MAD1L1: variants seen among roughly 807,000 people sequenced by gnomAD.
MAD1L1 encodes mitotic arrest deficient 1 like 1, also known as mitotic spindle assembly checkpoint protein MAD1.
In MAD1L1, 95 loss-of-function variants were observed where a neutral mutation model predicts 96.9. That is an observed-to-expected ratio of 0.98 (90% CI 0.83 to 1.16). The LOEUF (loss-of-function observed/expected upper bound fraction) is 1.16, where lower values mean the gene tolerates loss of function less well. MAD1L1 is among the 50% of genes most tolerant of loss of function. MAD1L1 has a pLI of 0.00. For synonymous variants in MAD1L1, 473 were observed against 396.6 expected (o/e 1.19, Z -2.29); for missense variants, 1,007 against 954.4 (o/e 1.06, Z -0.73).
At chr7:2,042,217 A>T (rs905579855) in intron 12 of MAD1L1, among the ~76,000 whole-genome samples, 62 of 130,568 alleles carry the variant, frequency 4.7e-4, no homozygotes, top group Non-Finnish European at 4.9e-4. Context: ...ACGCACACAG[A>T]CGTGCACACA....
intron 6 of MAD1L1, among the ~76,000 whole-genome samples, chr7:2,219,100 A>T (rs1793446898): frequency 2.0e-5 from 3 of 152,016 alleles, no homozygotes. Context: ...AGCCCTCTCT[A>T]AGAAGGAGGG....
At chr7:2,208,433 T>G (rs1465180780) in intron 10 of MAD1L1, among the ~76,000 whole-genome samples, 2 of 151,908 alleles carry the variant, frequency 1.3e-5, no homozygotes. Flanking sequence ...AGATCTCCAG[T>G]ACAGTGCAAC....
rs191946022 is a variant in MAD1L1, at chr7:1,824,136, G to A, written c.1999-7908C>T. Among the ~76,000 whole-genome samples, 426 of 152,182 alleles carry A rather than the reference G, an allele frequency of 2.8e-3. 1 individual carries two copies. Among genetic ancestry groups the A allele is most frequent in the Non-Finnish European group, 4.6e-3 (316 of 67,996 alleles). On this transcript the variant is annotated intron_variant, in intron 18 of 18. Transcript: ENST00000265854. ...GGTAGTCAGCCTGCCACCACCTCCC[G>A]GCCACCAGCACACACCCTCAACAGA...
intron 18 of MAD1L1, among the ~76,000 whole-genome samples, chr7:1,839,074 C>T (rs1265667004): frequency 2.0e-5 from 3 of 152,156 alleles, no homozygotes; most frequent in Non-Finnish European, 2.9e-5. Context: ...AGATGGCCAG[C>T]TGCCTCCGTG....
intron 13 of MAD1L1, among the ~76,000 whole-genome samples, chr7:2,011,681 C>T (rs1782310030): frequency 1.3e-5 from 2 of 152,200 alleles, no homozygotes; most frequent in African/African-American, 2.4e-5. Context: ...TCAGGTCACG[C>T]TGTCATGCAG....
chr7:2,049,541 G>A (rs759526920), intron 12 of MAD1L1, among the ~76,000 whole-genome samples: 11 of 152,206 alleles, frequency 7.2e-5, no homozygotes, highest in Non-Finnish European at 1.6e-4. Flanking sequence ...GAGGCGGTAG[G>A]AGGAAGGACT....
intron 11 of MAD1L1, among the ~76,000 whole-genome samples, chr7:2,144,168 C>T (rs899240356): frequency 6.6e-6 from 1 of 152,224 alleles, no homozygotes; most frequent in Non-Finnish European, 1.5e-5. Flanking sequence ...CTGTTTAGCC[C>T]GGGGCTCAAG....
intron 17 of MAD1L1, among the ~76,000 whole-genome samples, chr7:1,905,795 A>G (rs569851763): frequency 6.6e-6 from 1 of 152,120 alleles, no homozygotes; most frequent in Non-Finnish European, 1.5e-5. Context: ...CACACCTGTA[A>G]TCCCAGCACT....
intron 12 of MAD1L1, among the ~76,000 whole-genome samples, chr7:2,044,419 A>C (rs1490845051): frequency 6.6e-6 from 1 of 152,222 alleles, no homozygotes; most frequent in Non-Finnish European, 1.5e-5. Flanking sequence ...GAGAGGCCAA[A>C]GAGAAGCTGC....
At chr7:1,862,964 G>T (rs1422273773) in intron 18 of MAD1L1, among the ~76,000 whole-genome samples, 1 of 152,242 alleles carries the variant, frequency 6.6e-6, no homozygotes, top group African/African-American at 2.4e-5. Context: ...TGTCTTCAGG[G>T]GATCAGACAA....
intron 14 of MAD1L1, among the ~76,000 whole-genome samples, chr7:1,981,506 A>C (rs995503016): frequency 6.6e-6 from 1 of 152,130 alleles, no homozygotes; most frequent in Non-Finnish European, 1.5e-5. Flanking sequence ...GGGGTGTCTC[A>C]TGGACAGGAT....
rs1491147111 is a variant in MAD1L1, at chr7:1,938,901, G to GCACA, written c.1597-2005_1597-2004insTGTG. 6.5e-3 allele frequency among the ~76,000 whole-genome samples: 397 copies of GCACA among 61,316 alleles called. 7 individuals carry two copies. Among genetic ancestry groups the GCACA allele is most frequent in the Non-Finnish European group, 8.9e-3 (328 of 36,820 alleles). The allele number at this position is 61,316 out of a possible 152,430, so 40.2% of individuals were successfully genotyped here. A position where few individuals can be genotyped will look rare whatever the true frequency, so the allele number is the denominator to read the frequency against. On this transcript the variant is annotated intron_variant, in intron 16 of 18. Coordinates refer to ENST00000265854, the MANE Select transcript of MAD1L1 (RefSeq NM_001013836.2). ...ACAGTCCAGGGCCGGGGCCAGAGGC[G>GCACA]CGCACACACACACACACACACACAC...
Position 2,002,138 on chromosome 7 carries a change from G to T in MAD1L1, c.1360-17C>A. The T allele has an allele frequency of 6.2e-7, 1 of 1,612,286 alleles. No homozygotes were observed. The highest frequency in any genetic ancestry group is 8.5e-7 in the Non-Finnish European group (1 of 1,179,804). On this transcript the variant is annotated splice_polypyrimidine_tract_variant and intron_variant, in intron 13 of 18. Coordinates refer to ENST00000265854, the MANE Select transcript of MAD1L1 (RefSeq NM_001013836.2). ...CAGCTGAGCCTGCAAGACAAGACAG[G>T]ATTCGGCCTGAGACTGTGGTGGGCC...
intron 18 of MAD1L1, among the ~76,000 whole-genome samples, chr7:1,863,213 C>T (rs563961149): frequency 5.9e-5 from 9 of 152,378 alleles, no homozygotes; most frequent in African/African-American, 1.7e-4. Context: ...CCTCCGAAGA[C>T]GGGGTTAGCG....
intron 18 of MAD1L1, among the ~76,000 whole-genome samples, chr7:1,830,826 G>C (rs904082823): frequency 6.6e-6 from 1 of 152,082 alleles, no homozygotes; most frequent in African/African-American, 2.4e-5. Context: ...CAGAAAAAGA[G>C]GGAAGAAAAA....
Position 1,854,143 on chromosome 7 carries a change from C to A in MAD1L1, c.1999-37915G>T, listed in dbSNP as rs1247805052. Among the ~76,000 whole-genome samples the A allele has an allele frequency of 2.0e-5, 3 of 152,170 alleles. No homozygotes were observed. In the East Asian group the frequency reaches 5.8e-4, roughly 29 times the overall value. The stretch of plus-strand genomic sequence containing the variant: ...CACTCACGGGGCTGCCCAGCCTCTG[C>A]CCCTGGGGCACCTCCACCCCCGCCC... On this transcript the variant is annotated intron_variant, in intron 18 of 18. Transcript: ENST00000265854.
chr7:2,186,064 G>T (rs1791444945), intron 10 of MAD1L1, among the ~76,000 whole-genome samples: 1 of 152,214 alleles, frequency 6.6e-6, no homozygotes, highest in African/African-American at 2.4e-5. Flanking sequence ...GCAAAAATCG[G>T]AAACACTAAC....
In MAD1L1 at chr7:2,119,384, G is replaced by C. The variant is rs927998700; in HGVS notation, c.1073+29768C>G. Among the ~76,000 whole-genome samples, 2 of 152,294 alleles carry C rather than the reference G, an allele frequency of 1.3e-5. No individual in the cohort carries two copies. The highest frequency in any genetic ancestry group is 4.8e-5 in the African/African-American group (2 of 41,556). On this transcript the variant is annotated intron_variant, in intron 11 of 18. Coordinates refer to ENST00000265854, the MANE Select transcript of MAD1L1 (RefSeq NM_001013836.2). This position sits in a 1 kb window ranked among gnomAD's most constrained non-coding sequence, Gnocchi z 4.6. ...AGTGGCCCACATGGTTTAGGACGGGGTGAGAGTCCTCCATCTCCCACCCAG... is the reference window on the plus strand; with the variant it reads ...AGTGGCCCACATGGTTTAGGACGGGCTGAGAGTCCTCCATCTCCCACCCAG...
chr7:2,005,881 A>C (rs1782008939), intron 13 of MAD1L1, among the ~76,000 whole-genome samples: 1 of 152,242 alleles, frequency 6.6e-6, no homozygotes. Context: ...TGGATGGCCA[A>C]ATGGGACACT....
Sources: gnomAD v4.1 joint callset for allele counts (sites outside exome capture counted in the v4.1 genomes callset) on GRCh38, gnomAD v4.1.1 for gene constraint, Gnocchi (gnomAD v3.1) non-coding constraint, MANE v1.5 for transcripts, NCBI Gene and HGNC (gene_info 2026-07-23, HGNC 2026-07-21) for gene names.